ADARB2: variants seen among roughly 807,000 people sequenced by gnomAD.
ADARB2 encodes adenosine deaminase RNA specific B2 (inactive).
ADARB2 carries 25 observed loss-of-function variants against 62.2 expected under a neutral mutation model. That is an observed-to-expected ratio of 0.40 (90% CI 0.29 to 0.56). ADARB2 has a LOEUF of 0.56. Ranked by LOEUF, ADARB2 falls within the 20% of genes least tolerant of loss-of-function variation. The pLI, the probability that ADARB2 is intolerant of heterozygous loss-of-function variation, is 0.43. For missense variants in ADARB2, 1,071 were observed against 1,077.4 expected, an observed-to-expected ratio of 0.99 and a Z score of 0.08; for synonymous variants, 572 against 500.8, an observed-to-expected ratio of 1.14 and a Z score of -1.90.
intron 6 of ADARB2, among the ~76,000 whole-genome samples, chr10:1,226,720 C>T (rs988312041): frequency 6.6e-6 from 1 of 152,218 alleles, no homozygotes; most frequent in Non-Finnish European, 1.5e-5. Flanking sequence ...GGCTGTAGAA[C>T]AGCAGATATT....
chr10:1,234,052 C>T lies in ADARB2; in HGVS notation c.1362-207G>A, dbSNP rs1445259629. Among the ~76,000 whole-genome samples the T allele has an allele frequency of 3.4e-5, 5 of 149,126 alleles. No homozygotes were observed. In the East Asian group the frequency reaches 6.0e-4, roughly 18 times the overall value. On this transcript the variant is annotated intron_variant, in intron 5 of 9. Coordinates refer to ENST00000381312, the MANE Select transcript of ADARB2 (RefSeq NM_018702.4). ...ATGGTGCCATATTTGCTCACTGCAA[C>T]CTCCACCCACTGAGTTCAAGCAATT...
chr10:1,587,214 A>C (rs1024317966), intron 1 of ADARB2, among the ~76,000 whole-genome samples: 2 of 152,244 alleles, frequency 1.3e-5, no homozygotes, highest in African/African-American at 4.8e-5. Flanking sequence ...CCTCAAAAAC[A>C]AAACAACAAA....
At chr10:1,590,653 C>T (rs557155647) in intron 1 of ADARB2, among the ~76,000 whole-genome samples, 2 of 152,240 alleles carry the variant, frequency 1.3e-5, no homozygotes, top group East Asian at 1.9e-4. Flanking sequence ...TTGCAGCAGT[C>T]TTTTCATGTA....
intron 1 of ADARB2, among the ~76,000 whole-genome samples, chr10:1,514,942 C>A (rs1477638109): frequency 6.6e-6 from 1 of 151,796 alleles, no homozygotes; most frequent in Non-Finnish European, 1.5e-5. Context: ...CTCGTCATGA[C>A]CACAGTAGAG....
At chr10:1,694,057 C>A (rs190799088) in intron 1 of ADARB2, among the ~76,000 whole-genome samples, 39 of 152,264 alleles carry the variant, frequency 2.6e-4, no homozygotes, top group Non-Finnish European at 4.4e-4. Context: ...CTTCTTGGAG[C>A]CTTTAATATT....
intron 3 of ADARB2, among the ~76,000 whole-genome samples, chr10:1,328,264 C>T (rs1831895354): frequency 6.6e-6 from 1 of 152,224 alleles, no homozygotes; most frequent in Non-Finnish European, 1.5e-5. Flanking sequence ...ATTCTGGAAC[C>T]CCTGACTGTA....
At chr10:1,598,206 T>C (rs1833357826) in intron 1 of ADARB2, among the ~76,000 whole-genome samples, 1 of 151,832 alleles carries the variant, frequency 6.6e-6, no homozygotes, top group Admixed American at 6.6e-5. Context: ...CACCGAGACA[T>C]TCCCTGCTGG....
chr10:1,724,184 T>G (rs571125239), intron 1 of ADARB2, among the ~76,000 whole-genome samples: 1 of 152,158 alleles, frequency 6.6e-6, no homozygotes, highest in Non-Finnish European at 1.5e-5. Context: ...CAGCCAAGAT[T>G]AAAAGCACAT....
chr10:1,273,489 A>G (rs770543801), intron 3 of ADARB2, among the ~76,000 whole-genome samples: 1 of 152,172 alleles, frequency 6.6e-6, no homozygotes, highest in Non-Finnish European at 1.5e-5. Context: ...CGACGTCCAC[A>G]AGGTGGGTGG....
chr10:1,627,405 T>G (rs369150496), intron 1 of ADARB2, among the ~76,000 whole-genome samples: 2 of 152,154 alleles, frequency 1.3e-5, no homozygotes, highest in East Asian at 1.9e-4. Flanking sequence ...TTTTTTTCTC[T>G]CTCTCTCATC....
Position 1,587,260 on chromosome 10 carries a change from G to C in ADARB2, c.100+149791C>G, listed in dbSNP as rs17156551. Among the ~76,000 whole-genome samples the C allele has an allele frequency of 3.9e-4, 60 of 152,264 alleles. 2 individuals carry two copies. In the East Asian group the frequency reaches 9.3e-3, roughly 23 times the overall value. ...AAGAACAATGATTTCTGACATGAAG[G>C]CTCCAGAGATGTAAGTCGGGTTCTG... is the stretch of plus-strand genomic sequence containing the variant. On this transcript the variant is annotated intron_variant, in intron 1 of 9. Transcript: ENST00000381312.
At chr10:1,579,133 G>T (rs12256299) in intron 1 of ADARB2, among the ~76,000 whole-genome samples, 2 of 151,930 alleles carry the variant, frequency 1.3e-5, no homozygotes, top group Non-Finnish European at 2.9e-5. Context: ...CTAGCACACC[G>T]CTTTATATCA....
intron 1 of ADARB2, among the ~76,000 whole-genome samples, chr10:1,609,926 T>G (rs1050669455): frequency 2.6e-5 from 4 of 152,194 alleles, no homozygotes; most frequent in Non-Finnish European, 5.9e-5. Flanking sequence ...CCCTCTTCAT[T>G]AGGATTGCAG....
At chr10:1,576,056 CAG>C (rs1833012123) in intron 1 of ADARB2, among the ~76,000 whole-genome samples, 1 of 21,078 alleles carries the variant, frequency 4.7e-5, no homozygotes, top group African/African-American at 2.5e-4. Context: ...GTCAGGGTCA[CAG>C]GAGGGGGCCC....
At chr10:1,194,456 A>G (rs1298209003) in intron 8 of ADARB2, among the ~76,000 whole-genome samples, 2 of 152,190 alleles carry the variant, frequency 1.3e-5, no homozygotes, top group Non-Finnish European at 2.9e-5. Flanking sequence ...TGATTTCTTA[A>G]AATAAATATC....
At chr10:1,410,419 C>G (rs956009611) in intron 1 of ADARB2, among the ~76,000 whole-genome samples, 1 of 152,168 alleles carries the variant, frequency 6.6e-6, no homozygotes, top group African/African-American at 2.4e-5. Context: ...AGGTTTGGGC[C>G]AGAGGACTTC....
At chr10:1,589,239 A>G (rs971648987) in intron 1 of ADARB2, among the ~76,000 whole-genome samples, 1 of 152,194 alleles carries the variant, frequency 6.6e-6, no homozygotes, top group African/African-American at 2.4e-5. Flanking sequence ...TTCATATGGG[A>G]ACCTACCCAC....
chr10:1,613,326 A>G (rs1385321140), intron 1 of ADARB2, among the ~76,000 whole-genome samples: 1 of 152,218 alleles, frequency 6.6e-6, no homozygotes, highest in East Asian at 1.9e-4. Flanking sequence ...ATTTTTTTTA[A>G]GCAAAAATAT....
At chr10:1,674,158 G>T (rs1484401941) in intron 1 of ADARB2, among the ~76,000 whole-genome samples, 1 of 152,266 alleles carries the variant, frequency 6.6e-6, no homozygotes, top group African/African-American at 2.4e-5. Flanking sequence ...CCTGTGCAGA[G>T]TGCATTCCGT....
Sources: allele counts gnomAD v4.1 joint callset (sites outside exome capture counted in the v4.1 genomes callset), GRCh38; gene constraint gnomAD v4.1.1; transcripts MANE v1.5; gene names NCBI Gene and HGNC (gene_info 2026-07-23, HGNC 2026-07-21).